TANGO6: variants seen among roughly 807,000 people sequenced by gnomAD.
The protein encoded by TANGO6 is transport and golgi organization 6 homolog.
Under a neutral mutation model 114.2 loss-of-function variants are expected in TANGO6, and 90 were observed. The observed-to-expected ratio is 0.79, with a 90% CI of 0.66 to 0.94. The LOEUF (loss-of-function observed/expected upper bound fraction) is 0.94. Among genes scored for constraint, TANGO6 ranks in the 40% least tolerant of loss-of-function variants. The probability of loss-of-function intolerance (pLI) is 0.00; values close to 1 mark genes in which losing one functional copy is unlikely to be tolerated. For missense variants in TANGO6, 1,274 were observed against 1,315.3 expected, an observed-to-expected ratio of 0.97 and a Z score of 0.49; for synonymous variants, 477 against 509.8, an observed-to-expected ratio of 0.94 and a Z score of 0.87.
intron 15 of TANGO6, among the ~76,000 whole-genome samples, chr16:69,022,281 G>A (rs1316486854): frequency 6.6e-6 from 1 of 152,142 alleles, no homozygotes; most frequent in African/African-American, 2.4e-5. Context: ...ATCTCTACAT[G>A]TAGACTTTTG....
At chr16:68,923,928 A>T (rs1963131345) in intron 12 of TANGO6, among the ~76,000 whole-genome samples, 2 of 152,150 alleles carry the variant, frequency 1.3e-5, no homozygotes, top group Non-Finnish European at 2.9e-5. Context: ...CACCCATGGG[A>T]GTGTTGTGAA....
chr16:68,959,786 C>T (rs959084429), intron 14 of TANGO6, among the ~76,000 whole-genome samples: 3 of 152,146 alleles, frequency 2.0e-5, no homozygotes, highest in Admixed American at 6.6e-5. Flanking sequence ...GGCAACTCTC[C>T]GTGGAAGCCT....
intron 17 of TANGO6, among the ~76,000 whole-genome samples, chr16:69,063,643 C>CAAAAAAAAAAA (rs770332921): frequency 2.8e-5 from 1 of 35,784 alleles, no homozygotes; most frequent in African/African-American, 8.7e-5. Flanking sequence ...ACTCCATCTC[C>CAAAAAAAAAAA]AAAAAAAAAA....
chr16:68,868,748 C>G (rs1043252464), intron 4 of TANGO6, among the ~76,000 whole-genome samples: 1 of 151,994 alleles, frequency 6.6e-6, no homozygotes, highest in East Asian at 1.9e-4. Context: ...CCACCCACCT[C>G]GGCCTCCCAA....
chr16:68,980,383 T>TCTC lies in TANGO6; in HGVS notation c.2842+6215_2842+6216insCTC, dbSNP rs1555526453. ...TGAGTATGAATCTATCTGTCTGTCA[T>TCTC]TCTCTCTCTCTCTCTCTCTCTCTCT... is the stretch of plus-strand genomic sequence containing the variant. On this transcript the variant is annotated intron_variant, in intron 15 of 17. Transcript: ENST00000261778. 6.3e-3 allele frequency among the ~76,000 whole-genome samples: 231 copies of TCTC among 36,780 alleles called. 4 individuals carry two copies. The highest frequency in any genetic ancestry group is 0.022 in the African/African-American group (205 of 9,360). The allele number at this position is 36,780 out of a possible 152,430, so 24.1% of individuals were successfully genotyped here. A position where few individuals can be genotyped will look rare whatever the true frequency, so the allele number is the denominator to read the frequency against.
chr16:68,901,957 G>C (rs1962790762), intron 8 of TANGO6, among the ~76,000 whole-genome samples: 1 of 151,660 alleles, frequency 6.6e-6, no homozygotes, highest in African/African-American at 2.4e-5. Context: ...TTGGTCTCCA[G>C]CTGTTGGTCT....
In TANGO6 at chr16:68,897,288, C is replaced by T. The variant is rs1962718460; in HGVS notation, c.1378-3146C>T. On this transcript the variant is annotated intron_variant, in intron 7 of 17. Coordinates refer to ENST00000261778, the MANE Select transcript of TANGO6 (RefSeq NM_024562.2). ...CCATTTAACCTGCTTTATTTTTCTTCCTAGCACTCGTCACTACCTGGTATT... is the reference window on the plus strand; with the variant it reads ...CCATTTAACCTGCTTTATTTTTCTTTCTAGCACTCGTCACTACCTGGTATT... 2.6e-5 allele frequency among the ~76,000 whole-genome samples: 4 copies of T among 152,118 alleles called. No individual in the cohort carries two copies. In the South Asian group the frequency reaches 8.3e-4, roughly 31 times the overall value.
intron 15 of TANGO6, among the ~76,000 whole-genome samples, chr16:68,986,732 C>T (rs893243385): frequency 4.6e-5 from 7 of 152,052 alleles, no homozygotes; most frequent in African/African-American, 1.2e-4. Flanking sequence ...TGGTGAAACC[C>T]GGTCTCTACT....
At chr16:68,858,059 C>T (rs569511812) in intron 1 of TANGO6, among the ~76,000 whole-genome samples, 6 of 149,786 alleles carry the variant, frequency 4.0e-5, no homozygotes, top group Non-Finnish European at 7.4e-5. Context: ...TTTTATCTCT[C>T]GGAAGATTTT....
chr16:68,902,647 A>G, intron 9 of TANGO6, 143 bp downstream of exon 9: 1 of 720,748 alleles, frequency 1.4e-6, no homozygotes. Context: ...TATTCTCTAA[A>G]TGAAACGTGA....
intron 7 of TANGO6, among the ~76,000 whole-genome samples, chr16:68,892,902 C>G (rs578060130): frequency 2.0e-5 from 3 of 152,312 alleles, no homozygotes; most frequent in East Asian, 1.9e-4. Flanking sequence ...ACCTTAAGTT[C>G]TCTCCCTTCA....
At chr16:68,883,914 C>G (rs1962500036) in intron 7 of TANGO6, among the ~76,000 whole-genome samples, 1 of 151,906 alleles carries the variant, frequency 6.6e-6, no homozygotes. Context: ...CATTCACTTT[C>G]TTTCTTTTTT....
At chr16:68,987,412 A>G (rs977500892) in intron 15 of TANGO6, among the ~76,000 whole-genome samples, 14 of 152,170 alleles carry the variant, frequency 9.2e-5, no homozygotes, top group African/African-American at 3.4e-4. Flanking sequence ...TCTGTCACCC[A>G]GGCTGGCATG....
chr16:68,908,996 A>G (rs1962887729), intron 10 of TANGO6, among the ~76,000 whole-genome samples: 1 of 152,184 alleles, frequency 6.6e-6, no homozygotes, highest in African/African-American at 2.4e-5. Flanking sequence ...TAATTCATTT[A>G]TTTTAACTGC....
intron 7 of TANGO6, among the ~76,000 whole-genome samples, chr16:68,883,471 C>T (rs1017820456): frequency 6.6e-6 from 1 of 152,028 alleles, no homozygotes; most frequent in Admixed American, 6.5e-5. Context: ...TGGAGCCATA[C>T]TTCATTTCTT....
At chr16:68,996,503 C>CA (rs1399298213) in intron 15 of TANGO6, among the ~76,000 whole-genome samples, 2 of 151,982 alleles carry the variant, frequency 1.3e-5, no homozygotes, top group East Asian at 3.9e-4. Flanking sequence ...TTAGCGAGCA[C>CA]AAAAAAGGGG....
At chr16:68,856,705 A>G (rs1961999768) in intron 1 of TANGO6, among the ~76,000 whole-genome samples, 1 of 152,232 alleles carries the variant, frequency 6.6e-6, no homozygotes, top group Non-Finnish European at 1.5e-5. Flanking sequence ...GTAATAGTTT[A>G]TATTAGGGTT....
chr16:69,030,745 A>C (rs1477283880), intron 16 of TANGO6, among the ~76,000 whole-genome samples: 1 of 151,976 alleles, frequency 6.6e-6, no homozygotes, highest in Non-Finnish European at 1.5e-5. Context: ...GACCTCCTTT[A>C]TGTTTCAACC....
chr16:68,857,248 A>C (rs921630974), intron 1 of TANGO6, among the ~76,000 whole-genome samples: 1 of 152,222 alleles, frequency 6.6e-6, no homozygotes, highest in Non-Finnish European at 1.5e-5. Flanking sequence ...GGAATTATAC[A>C]GAATACAGCT....
Sources: allele counts gnomAD v4.1 joint callset (sites outside exome capture counted in the v4.1 genomes callset), GRCh38; gene constraint gnomAD v4.1.1; transcripts MANE v1.5; gene names NCBI Gene and HGNC (gene_info 2026-07-23, HGNC 2026-07-21).